LNX1: variants seen among roughly 807,000 people sequenced by gnomAD.
LNX1 encodes ligand of numb-protein X 1.
A neutral mutation model predicts 68.4 loss-of-function variants in LNX1; 54 were observed. The ratio of observed to expected loss-of-function variants is 0.79; its 90% CI spans 0.63 to 0.99. LNX1 has a LOEUF of 0.99. Ranked by LOEUF, LNX1 falls within the 50% of genes least tolerant of loss-of-function variation. The pLI is 0.00. For synonymous variants in LNX1, 336 were observed against 350.0 expected (o/e 0.96, Z 0.45); for missense variants, 906 against 926.4 (o/e 0.98, Z 0.29).
At chr4:53,464,770 G>T (rs527948381) in intron 9 of LNX1, among the ~76,000 whole-genome samples, 1 of 150,072 alleles carries the variant, frequency 6.7e-6, no homozygotes, top group Non-Finnish European at 1.5e-5. Context: ...GAGAACAGAA[G>T]ATTTTAAAGC....
intron 1 of LNX1, among the ~76,000 whole-genome samples, chr4:53,577,503 C>G (rs1206489391): frequency 6.6e-6 from 1 of 152,198 alleles, no homozygotes; most frequent in Admixed American, 6.5e-5. Flanking sequence ...GCATCAGATA[C>G]TTCCAGATCT....
Position 53,496,258 on chromosome 4 carries a change from G to C in LNX1, c.1115C>G (p.Ala372Gly), listed in dbSNP as rs747678543. The C allele has an allele frequency of 6.2e-7, 1 of 1,614,078 alleles. No homozygotes were observed. The highest frequency in any genetic ancestry group is 1.7e-5 in the Admixed American group (1 of 60,004). ...RSRNNGQAPD[A>G]YRPRDDSFHV... Reference sequence around the variant, plus strand: ...AAAGCTGTCATCTCGGGGTCTGTAGGCATCCGGGGCCTGTCCATTGTTCCT... The same window carrying C: ...AAAGCTGTCATCTCGGGGTCTGTAGCCATCCGGGGCCTGTCCATTGTTCCT... The change falls in exon 6 of 11, where the codon GCC becomes GGC. Residue 372 changes from alanine (A) to glycine (G), a missense_variant. Physicochemically the swap from Ala to Gly is moderately conservative, Grantham distance 60 (BLOSUM62 0). Transcript: ENST00000263925.
intron 7 of LNX1, among the ~76,000 whole-genome samples, chr4:53,479,009 A>T (rs771965892): frequency 7.9e-5 from 12 of 152,208 alleles, no homozygotes; most frequent in Non-Finnish European, 1.6e-4. Context: ...TTACACTTCA[A>T]AAGGAAAGAG....
intron 2 of LNX1, among the ~76,000 whole-genome samples, chr4:53,563,537 C>CTTTTTTT (rs763612909): frequency 1.4e-5 from 2 of 142,574 alleles, no homozygotes; most frequent in African/African-American, 5.2e-5. Context: ...GCTTCAAATT[C>CTTTTTTT]TTTTTTTTTT....
At chr4:53,649,458 T>A (rs1735011858) in intron 1 of LNX1, among the ~76,000 whole-genome samples, 1 of 152,208 alleles carries the variant, frequency 6.6e-6, no homozygotes, top group Non-Finnish European at 1.5e-5. Flanking sequence ...GAACCAGGAT[T>A]TGAACTCCGG....
At chr4:53,536,359 CCA>C (rs1230060326) in intron 2 of LNX1, among the ~76,000 whole-genome samples, 1 of 152,074 alleles carries the variant, frequency 6.6e-6, no homozygotes, top group Non-Finnish European at 1.5e-5. Context: ...TACACAAACG[CCA>C]CACACAGTCA....
At chr4:53,468,931 C>T (rs368228379) in intron 9 of LNX1, among the ~76,000 whole-genome samples, 4 of 152,060 alleles carry the variant, frequency 2.6e-5, no homozygotes, top group African/African-American at 7.2e-5. Flanking sequence ...GACAGATCAA[C>T]GACACAGAAA....
chr4:53,512,378 TA>T (rs10719074), intron 2 of LNX1, among the ~76,000 whole-genome samples: 145,920 of 152,032 alleles, frequency 0.96, 70,315 homozygotes, highest in Non-Finnish European at 1. Context: ...CTCTGGTAAT[TA>T]AAAAAAACTG....
At chr4:53,589,449 T>C (rs1334352042) in intron 1 of LNX1, among the ~76,000 whole-genome samples, 1 of 152,238 alleles carries the variant, frequency 6.6e-6, no homozygotes, top group East Asian at 1.9e-4. Flanking sequence ...GATCTTTATC[T>C]TGATAGAGTC....
intron 4 of LNX1, among the ~76,000 whole-genome samples, chr4:53,502,782 T>A (rs1725597513): frequency 6.6e-6 from 1 of 152,258 alleles, no homozygotes; most frequent in Non-Finnish European, 1.5e-5. Flanking sequence ...TTATGTAATA[T>A]TCTCAATCCT....
chr4:53,461,597 A>AAAT lies in LNX1; in HGVS notation c.1893-7_1893-5dup. On this transcript the variant is annotated splice_polypyrimidine_tract_variant and splice_region_variant and intron_variant, in intron 9 of 10. Transcript: ENST00000263925. ...ATCTTTACAGTTATACAAGCACCTG[A>AAAT]AATAGAATGTAATCAGTGTACATGC... 1.2e-6 allele frequency: 2 copies of AAAT among 1,606,490 alleles called. No individual in the cohort carries two copies. Among genetic ancestry groups the AAAT allele is most frequent in the Non-Finnish European group, 1.7e-6 (2 of 1,174,878 alleles).
intron 2 of LNX1, among the ~76,000 whole-genome samples, chr4:53,571,313 C>G (rs960097003): frequency 2.5e-4 from 38 of 151,022 alleles, no homozygotes; most frequent in African/African-American, 9.2e-4. Context: ...GCCTCCATGC[C>G]CCGCGTAAAT....
chr4:53,618,442 G>A (rs1002757723), upstream of LNX1, among the ~76,000 whole-genome samples: 6 of 152,118 alleles, frequency 3.9e-5, no homozygotes, highest in Non-Finnish European at 5.9e-5. Flanking sequence ...CTCTGTTTTT[G>A]CAGGTGGCTT....
intron 2 of LNX1, chr4:53,557,982 T>C: frequency 1.2e-6 from 2 of 1,613,526 alleles, no homozygotes; most frequent in Non-Finnish European, 1.7e-6. Flanking sequence ...AGCAGTGTGC[T>C]GCCTTCTCCC....
chr4:53,586,656 C>A (rs1261900156), intron 1 of LNX1, among the ~76,000 whole-genome samples: 3 of 152,168 alleles, frequency 2.0e-5, no homozygotes, highest in African/African-American at 4.8e-5. Flanking sequence ...AGGAACTTGG[C>A]TTTCTAGAGC....
At chr4:53,490,930 AG>A (rs745874508) in intron 6 of LNX1, among the ~76,000 whole-genome samples, 7 of 152,132 alleles carry the variant, frequency 4.6e-5, no homozygotes, top group Non-Finnish European at 1.0e-4. Context: ...TTTTTTTAAA[AG>A]GTTTTTCCTG....
intron 1 of LNX1, among the ~76,000 whole-genome samples, chr4:53,641,220 T>G (rs1421788513): frequency 6.6e-6 from 1 of 152,164 alleles, no homozygotes; most frequent in African/African-American, 2.4e-5. Flanking sequence ...GGGGGGCACC[T>G]CCTTTACTCT....
At chr4:53,483,898 C>G (rs1724117396) in intron 6 of LNX1, among the ~76,000 whole-genome samples, 1 of 152,142 alleles carries the variant, frequency 6.6e-6, no homozygotes, top group Non-Finnish European at 1.5e-5. Flanking sequence ...ACATGTTTCC[C>G]CAAAATTCAG....
intron 2 of LNX1, chr4:53,558,030 C>G: frequency 6.2e-7 from 1 of 1,603,150 alleles, no homozygotes; most frequent in East Asian, 2.2e-5. Flanking sequence ...CCAAACCAGC[C>G]AAGCTCCTTT....
Sources: allele counts gnomAD v4.1 joint callset (sites outside exome capture counted in the v4.1 genomes callset), GRCh38; gene constraint gnomAD v4.1.1; transcripts MANE v1.5; gene names NCBI Gene and HGNC (gene_info 2026-07-23, HGNC 2026-07-21).